The following PECR variants were observed in gnomAD, a reference collection of about 807,000 sequenced individuals.
The protein encoded by PECR is 2,4-dienoyl-CoA reductase-related protein.
A neutral mutation model predicts 35.3 loss-of-function variants in PECR; 30 were observed. The observed-to-expected ratio is 0.85, with a 90% confidence interval of 0.64 to 1.15. The LOEUF is 1.15. Ranked by LOEUF, PECR falls within the 50% of genes most tolerant of loss-of-function variation. The pLI is 0.00. For synonymous variants in PECR, 148 were observed against 138.9 expected, an observed-to-expected ratio of 1.07 and a Z score of -0.46; for missense variants, 392 against 370.8, an observed-to-expected ratio of 1.06 and a Z score of -0.47.
intron 1 of PECR, among the ~76,000 whole-genome samples, chr2:216,076,538 G>A (rs1005525177): frequency 2.0e-5 from 3 of 152,272 alleles, no homozygotes; most frequent in African/African-American, 4.8e-5. Context: ...AGTGGCTCAC[G>A]CCTGTAATTC....
intron 5 of PECR, 122 bp downstream of exon 5, chr2:216,051,327 C>A (rs896506877): frequency 3.6e-4 from 197 of 548,206 alleles, no homozygotes; most frequent in East Asian, 6.1e-4. Flanking sequence ...TCCATTTTAT[C>A]TATGTTTTAA....
At chr2:216,065,553 CTAG>C (rs1695449527) in intron 2 of PECR, 76 bp from the exon 3 acceptor site, 1 of 875,882 alleles carries the variant, frequency 1.1e-6, no homozygotes, top group Admixed American at 1.8e-5. Flanking sequence ...ATTGATTGCT[CTAG>C]ACAGAGTTTG....
chr2:216,046,281 T>TAC (rs1424996718), intron 6 of PECR, among the ~76,000 whole-genome samples: 2 of 122,890 alleles, frequency 1.6e-5, no homozygotes, highest in African/African-American at 7.3e-5. Flanking sequence ...ATAAAGTATA[T>TAC]ATATATACAT....
chr2:216,045,949 A>G (rs1331377719), intron 6 of PECR, among the ~76,000 whole-genome samples: 1 of 152,138 alleles, frequency 6.6e-6, no homozygotes, highest in Non-Finnish European at 1.5e-5. Flanking sequence ...AGGCCGAGGC[A>G]GGTGGATCAC....
At chr2:216,043,084 C>CACAT (rs1694925949) in intron 7 of PECR, among the ~76,000 whole-genome samples, 2 of 138,932 alleles carry the variant, frequency 1.4e-5, no homozygotes, top group African/African-American at 5.5e-5. Flanking sequence ...TATATATACA[C>CACAT]ATACATATAT....
downstream of PECR, among the ~76,000 whole-genome samples, chr2:216,034,397 T>A (rs562509254): frequency 6.6e-6 from 1 of 152,246 alleles, no homozygotes; most frequent in Non-Finnish European, 1.5e-5. Context: ...ACAGCCCTGC[T>A]GTCCATCTAG....
chr2:216,075,627 A>T lies in PECR; in HGVS notation c.124+5991T>A, dbSNP rs548043515. 1.7e-3 allele frequency among the ~76,000 whole-genome samples: 264 copies of T among 152,342 alleles called. 1 individual carries two copies. The highest frequency in any genetic ancestry group is 4.5e-3 in the Admixed American group (69 of 15,298). On this transcript the variant is annotated intron_variant, in intron 1 of 7. Coordinates refer to ENST00000265322, the MANE Select transcript of PECR (RefSeq NM_018441.6). The stretch of plus-strand genomic sequence containing the variant: ...GTAGCTAGAGAGATGCAGAAAGCTC[A>T]ACTGACCTGCTTAGAATAGGTATAG...
chr2:216,074,596 A>T (rs2105969023), intron 1 of PECR, among the ~76,000 whole-genome samples: 1 of 152,310 alleles, frequency 6.6e-6, no homozygotes, highest in South Asian at 2.1e-4. Context: ...CAAGGTGATT[A>T]ATGCCTAACT....
chr2:216,067,723 A>C (rs1319645038), intron 1 of PECR, among the ~76,000 whole-genome samples: 1 of 151,762 alleles, frequency 6.6e-6, no homozygotes, highest in Non-Finnish European at 1.5e-5. Flanking sequence ...GGCCTGGCTA[A>C]TTTTTGTATT....
intron 3 of PECR, 22 bp from the exon 4 acceptor site, chr2:216,058,998 A>T (rs1695282634): frequency 2.7e-6 from 4 of 1,485,984 alleles, no homozygotes; most frequent in Non-Finnish European, 3.8e-6. Context: ...AGGCAAACTC[A>T]ATCATTAAAT....
chr2:216,075,589 T>G (rs960586328), intron 1 of PECR, among the ~76,000 whole-genome samples: 2 of 152,210 alleles, frequency 1.3e-5, no homozygotes, highest in African/African-American at 4.8e-5. Context: ...ATAGACTTTA[T>G]TTTTGTTTAT....
chr2:216,062,531 A>G (rs1244584322), intron 3 of PECR, among the ~76,000 whole-genome samples: 1 of 152,200 alleles, frequency 6.6e-6, no homozygotes, highest in Non-Finnish European at 1.5e-5. Flanking sequence ...TTTCTTCACA[A>G]TTCTTTAACA....
intron 4 of PECR, among the ~76,000 whole-genome samples, chr2:216,055,265 C>T (rs1206252354): frequency 1.3e-5 from 2 of 151,648 alleles, no homozygotes; most frequent in Non-Finnish European, 2.9e-5. Flanking sequence ...CAGAGAAACC[C>T]CGTCTCTATT....
At chr2:216,057,549 C>G (rs1695255293) in intron 4 of PECR, among the ~76,000 whole-genome samples, 1 of 152,068 alleles carries the variant, frequency 6.6e-6, no homozygotes, top group African/African-American at 2.4e-5. Context: ...CCAGAAAGAA[C>G]CTACAATCTG....
chr2:216,049,946 A>G (rs566991910), intron 5 of PECR, among the ~76,000 whole-genome samples: 25 of 152,334 alleles, frequency 1.6e-4, no homozygotes, highest in Non-Finnish European at 2.8e-4. Context: ...GGCCAGGTGC[A>G]GTGGCTCATG....
At chr2:216,035,676 G>A (rs1402592426), downstream of PECR, among the ~76,000 whole-genome samples, 2 of 151,832 alleles carry the variant, frequency 1.3e-5, no homozygotes, top group African/African-American at 4.8e-5. Context: ...TCATAGAGAC[G>A]GGGTTTCACC....
At chr2:216,071,310 T>A (rs1427255192) in intron 1 of PECR, among the ~76,000 whole-genome samples, 1 of 152,248 alleles carries the variant, frequency 6.6e-6, no homozygotes, top group Non-Finnish European at 1.5e-5. Flanking sequence ...CCACAAGCTG[T>A]AACTCAGCTT....
chr2:216,052,517 T>C (rs1041120622), intron 4 of PECR, among the ~76,000 whole-genome samples: 4 of 152,230 alleles, frequency 2.6e-5, no homozygotes, highest in African/African-American at 9.6e-5. Context: ...GGCATGGTTT[T>C]TTCTGTTGGC....
At chr2:216,032,073 G>A (rs1423473430) in intron 7 of PECR, among the ~76,000 whole-genome samples, 5 of 152,138 alleles carry the variant, frequency 3.3e-5, no homozygotes, top group Non-Finnish European at 5.9e-5. Context: ...TCATGCAGAA[G>A]GTAAAATTAC....
Sources: gnomAD v4.1 joint callset for allele counts (sites outside exome capture counted in the v4.1 genomes callset) on GRCh38, gnomAD v4.1.1 for gene constraint, MANE v1.5 for transcripts, NCBI Gene and HGNC (gene_info 2026-07-23, HGNC 2026-07-21) for gene names.